SNX30: variants seen among roughly 807,000 people sequenced by gnomAD.
SNX30 encodes the protein sorting nexin-30.
In SNX30, 24 loss-of-function variants were observed where a neutral mutation model predicts 46.4. That is an observed-to-expected ratio of 0.52 (90% confidence interval 0.37 to 0.73). SNX30 has a LOEUF of 0.73. SNX30 is among the 30% of genes least tolerant of loss of function. SNX30 has a pLI of 0.00. For synonymous variants in SNX30, 189 were observed against 211.5 expected (o/e 0.89, Z 0.92); for missense variants, 533 against 555.7 (o/e 0.96, Z 0.41).
chr9:112,770,208 G>A (rs1339528798), intron 1 of SNX30, among the ~76,000 whole-genome samples: 1 of 151,956 alleles, frequency 6.6e-6, no homozygotes, highest in African/African-American at 2.4e-5. Context: ...GTCTCACTCT[G>A]TTGGCCAGGC....
At chr9:112,817,401 C>CCTTTTTTT (rs1840414195) in intron 2 of SNX30, among the ~76,000 whole-genome samples, 2 of 46,832 alleles carry the variant, frequency 4.3e-5, no homozygotes, top group African/African-American at 1.9e-4. Context: ...AAAAAACTGG[C>CCTTTTTTT]TTTTTTTTTT....
intron 1 of SNX30, among the ~76,000 whole-genome samples, chr9:112,797,796 G>A (rs1425195582): frequency 2.1e-5 from 3 of 140,384 alleles, no homozygotes; most frequent in Non-Finnish European, 3.0e-5. Context: ...TGCAACCTCT[G>A]CCTGCCGGGG....
chr9:112,878,459 G>T (rs1464985570), downstream of SNX30: 1 of 152,180 alleles, frequency 6.6e-6, no homozygotes. Flanking sequence ...TCATTTCTGG[G>T]ATGCCCTTCC....
At chr9:112,818,112 T>C (rs1352178646) in intron 3 of SNX30, among the ~76,000 whole-genome samples, 1 of 152,168 alleles carries the variant, frequency 6.6e-6, no homozygotes, top group African/African-American at 2.4e-5. Context: ...TAACACTGTT[T>C]ATTGAAGCAA....
At position 112,867,640 on chromosome 9, in the gene SNX30, C is replaced by CTG. The variant is rs1200289802; in HGVS notation, c.1255-1144_1255-1143insTG. Among the ~76,000 whole-genome samples the CTG allele has an allele frequency of 2.7e-5, 4 of 150,920 alleles. No homozygotes were observed. In the East Asian group the frequency reaches 6.0e-4, roughly 22 times the overall value. On this transcript the variant is annotated intron_variant, in intron 8 of 8. Coordinates refer to ENST00000374232, the MANE Select transcript of SNX30 (RefSeq NM_001012994.2). The stretch of plus-strand genomic sequence containing the variant: ...TCCTCCCACCTCCTCAGAACTCCTC[C>CTG]CGCCTCCTCAGAACTCCTTTCACCT...
chr9:112,820,304 A>G (rs371234292), intron 3 of SNX30, among the ~76,000 whole-genome samples: 1 of 152,294 alleles, frequency 6.6e-6, no homozygotes, highest in East Asian at 1.9e-4. Context: ...TCTCTGATTT[A>G]AGTATGAAAG....
chr9:112,863,835 G>A (rs139843867), intron 7 of SNX30, among the ~76,000 whole-genome samples: 65 of 152,308 alleles, frequency 4.3e-4, no homozygotes, highest in African/African-American at 1.6e-3. Flanking sequence ...CTCTTCTCTA[G>A]TTCCAATATG....
chr9:112,813,954 T>G (rs1840358877), intron 2 of SNX30, among the ~76,000 whole-genome samples: 1 of 152,202 alleles, frequency 6.6e-6, no homozygotes, highest in Non-Finnish European at 1.5e-5. Context: ...TTGCCACAGT[T>G]TAGACATTAT....
intron 1 of SNX30, among the ~76,000 whole-genome samples, chr9:112,761,825 G>A (rs1456711511): frequency 6.6e-6 from 1 of 152,154 alleles, no homozygotes; most frequent in Admixed American, 6.5e-5. Flanking sequence ...TCAAACAAAT[G>A]CTGCCTCCAG....
rs185467667 is a variant in SNX30 at position 112,785,544 on chromosome 9, C to T, written c.157-19232C>T. On this transcript the variant is annotated intron_variant, in intron 1 of 8. Coordinates refer to ENST00000374232, the MANE Select transcript of SNX30 (RefSeq NM_001012994.2). ...GATTACAGGCATTTGCCACCATGCC[C>T]GGCTAATTTTTGTATTTTTTGTAGA... is the stretch of plus-strand genomic sequence containing the variant. Among the ~76,000 whole-genome samples the T allele has an allele frequency of 2.0e-4, 31 of 152,138 alleles. No homozygotes were observed. The East Asian group carries it at 4.1e-3, about 20-fold the overall frequency.
intron 2 of SNX30, among the ~76,000 whole-genome samples, chr9:112,811,079 G>T (rs922646875): frequency 6.6e-6 from 1 of 152,226 alleles, no homozygotes; most frequent in Non-Finnish European, 1.5e-5. Flanking sequence ...TATGGCGTGG[G>T]TCTTCCAGAG....
chr9:112,843,772 G>T (rs1294740866), intron 6 of SNX30, among the ~76,000 whole-genome samples: 1 of 151,680 alleles, frequency 6.6e-6, no homozygotes, highest in Non-Finnish European at 1.5e-5. Flanking sequence ...GCACCACCAC[G>T]CCCGGCTAAT....
In SNX30 at chr9:112,861,688, C is replaced by T. The variant is rs919085640; in HGVS notation, c.1102-2559C>T. 3.3e-5 allele frequency among the ~76,000 whole-genome samples: 5 copies of T among 152,228 alleles called. No homozygotes were observed. In the East Asian group the frequency reaches 5.8e-4, roughly 18 times the overall value. On this transcript the variant is annotated intron_variant, in intron 7 of 8. Transcript: ENST00000374232. ...GTCTTGCGAGCTGCAGTTCCCTCTC[C>T]GTGCCGCTGTGGGCCCTGTGGCCTG...
At chr9:112,818,319 T>TA (rs1399849335) in intron 3 of SNX30, among the ~76,000 whole-genome samples, 2 of 150,440 alleles carry the variant, frequency 1.3e-5, no homozygotes, top group African/African-American at 4.9e-5. Context: ...CACCTGCCCC[T>TA]ACCAGGTTCA....
intron 3 of SNX30, among the ~76,000 whole-genome samples, chr9:112,826,709 A>T (rs897974099): frequency 4.6e-5 from 7 of 152,116 alleles, no homozygotes; most frequent in African/African-American, 1.7e-4. Context: ...TTTCCATCTG[A>T]TGCTCTTACA....
intron 2 of SNX30, among the ~76,000 whole-genome samples, chr9:112,815,929 G>T (rs901582973): frequency 6.6e-6 from 1 of 152,042 alleles, no homozygotes; most frequent in Non-Finnish European, 1.5e-5. Context: ...CAGTCGTCTC[G>T]ACCTCCTGGG....
At chr9:112,825,103 C>A (rs1840561841) in intron 3 of SNX30, among the ~76,000 whole-genome samples, 1 of 152,180 alleles carries the variant, frequency 6.6e-6, no homozygotes, top group Non-Finnish European at 1.5e-5. Flanking sequence ...GGCTATACAA[C>A]AAGAAGTGGA....
downstream of SNX30, chr9:112,879,483 G>T: frequency 2.7e-6 from 1 of 371,900 alleles, no homozygotes; most frequent in Non-Finnish European, 5.0e-6. Context: ...TGTGCAGCCT[G>T]CCTGTAACCC....
At chr9:112,828,417 C>T (rs910190289) in intron 3 of SNX30, among the ~76,000 whole-genome samples, 2 of 152,128 alleles carry the variant, frequency 1.3e-5, no homozygotes, top group African/African-American at 4.8e-5. Flanking sequence ...TGTAGGTGCA[C>T]TCTGTGATGT....
Sources: gnomAD v4.1 joint callset for allele counts (sites outside exome capture counted in the v4.1 genomes callset) on GRCh38, gnomAD v4.1.1 for gene constraint, MANE v1.5 for transcripts, NCBI Gene and HGNC (gene_info 2026-07-23, HGNC 2026-07-21) for gene names.